Variants in SLCO2A1 observed in about 807,000 individuals in gnomAD.
SLCO2A1 encodes matrin F/G 1.
SLCO2A1 carries 60 observed loss-of-function variants against 71.7 expected under a neutral mutation model. The ratio of observed to expected loss-of-function variants is 0.84; its 90% CI spans 0.68 to 1.04. The LOEUF is 1.04. Ranked by LOEUF, SLCO2A1 falls within the 50% of genes least tolerant of loss-of-function variation. SLCO2A1 has a pLI of 0.00. For missense variants in SLCO2A1, 745 were observed against 813.4 expected (o/e 0.92, Z 1.02); for synonymous variants, 308 against 326.7 (o/e 0.94, Z 0.62).
Position 133,955,007 on chromosome 3 carries a change from A to G in SLCO2A1, c.584T>C (p.Val195Ala). 6.2e-7 allele frequency: 1 copy of G among 1,614,162 alleles called. No homozygotes were observed. Among genetic ancestry groups the G allele is most frequent in the East Asian group, 2.2e-5 (1 of 44,878 alleles). ...GTTGCTGGGCTCTGAGAAGTCATCC[A>G]CATAGGAGATCCCAAATGGCTGAAT... ...VPIQPFGISYVDDFSEPSNSP... is the reference protein window; with the variant it reads ...VPIQPFGISYADDFSEPSNSP... Residue 195 changes from valine (V) to alanine (A), a missense_variant, in exon 4 of 14, where the codon GTG becomes GCG. Val to Ala is a moderately conservative substitution (Grantham distance 64). Coordinates refer to ENST00000310926, the MANE Select transcript of SLCO2A1 (RefSeq NM_005630.3).
chr3:133,935,428 C>T (rs1192899434), intron 13 of SLCO2A1, among the ~76,000 whole-genome samples: 2 of 152,174 alleles, frequency 1.3e-5, no homozygotes, highest in Non-Finnish European at 2.9e-5. Flanking sequence ...GGAGGCTGCC[C>T]CCAATTTTTC....
At chr3:133,999,587 A>G (rs1397369270) in intron 1 of SLCO2A1, among the ~76,000 whole-genome samples, 2 of 152,180 alleles carry the variant, frequency 1.3e-5, no homozygotes, top group Non-Finnish European at 2.9e-5. Context: ...GATGCCAAGG[A>G]GAGGTACAAG....
At chr3:134,013,158 T>G (rs889933762) in intron 1 of SLCO2A1, among the ~76,000 whole-genome samples, 1 of 152,170 alleles carries the variant, frequency 6.6e-6, no homozygotes, top group Non-Finnish European at 1.5e-5. Flanking sequence ...AGACACTCAA[T>G]AGATGTTTAC....
chr3:133,960,668 A>T (rs565465449), intron 3 of SLCO2A1, among the ~76,000 whole-genome samples: 78 of 152,336 alleles, frequency 5.1e-4, no homozygotes, highest in African/African-American at 1.9e-3. Flanking sequence ...CCTTAATGCC[A>T]CTGAACTATA....
intron 1 of SLCO2A1, 75 bp from the exon 2 acceptor site, chr3:133,979,693 C>G (rs921009377): frequency 6.7e-7 from 1 of 1,501,762 alleles, no homozygotes; most frequent in African/African-American, 1.4e-5. Flanking sequence ...CTGTTAGGGG[C>G]CCCGGCAGGC....
intron 3 of SLCO2A1, among the ~76,000 whole-genome samples, chr3:133,956,013 C>G (rs1230797870): frequency 6.6e-6 from 1 of 152,168 alleles, no homozygotes; most frequent in East Asian, 1.9e-4. Context: ...TTCCATGCCT[C>G]TGTTTTTAAT....
chr3:134,024,956 C>T (rs1301310489), intron 1 of SLCO2A1, among the ~76,000 whole-genome samples: 2 of 152,112 alleles, frequency 1.3e-5, no homozygotes, highest in African/African-American at 4.8e-5. Flanking sequence ...CAGGCCCAAC[C>T]TCCGAGACCA....
Position 133,955,047 on chromosome 3 carries a change from T to A in SLCO2A1, c.544A>T (p.Ile182Phe). ...AATGGCTGAATAGGCACTGTCCCGA[T>A]GCCAGCCAGCAGCTGGGCAACCACC... ...LMVVAQLLAG[I>F]GTVPIQPFGI... The change falls in exon 4 of 14, where the codon ATC (isoleucine) becomes TTC (phenylalanine). Residue 182 changes from isoleucine (I) to phenylalanine (F), a missense_variant. Physicochemically the swap from Ile to Phe is conservative, Grantham distance 21. Coordinates refer to ENST00000310926, the MANE Select transcript of SLCO2A1 (RefSeq NM_005630.3). The A allele has an allele frequency of 6.2e-7, 1 of 1,614,160 alleles. No individual in the cohort carries two copies. Among genetic ancestry groups the A allele is most frequent in the Non-Finnish European group, 8.5e-7 (1 of 1,180,028 alleles).
chr3:133,980,986 G>A (rs1934575143), intron 1 of SLCO2A1, among the ~76,000 whole-genome samples: 1 of 152,244 alleles, frequency 6.6e-6, no homozygotes, highest in Admixed American at 6.5e-5. Context: ...CCATGCTAGA[G>A]AGGCTCCACT....
chr3:133,962,111 G>A (rs1269453579), intron 3 of SLCO2A1, among the ~76,000 whole-genome samples: 1 of 151,978 alleles, frequency 6.6e-6, no homozygotes, highest in Admixed American at 6.6e-5. Context: ...ACAGAGTCTC[G>A]CTCTGTCGCC....
At chr3:133,935,290 G>A (rs1389567443) in intron 13 of SLCO2A1, among the ~76,000 whole-genome samples, 1 of 152,198 alleles carries the variant, frequency 6.6e-6, no homozygotes, top group East Asian at 1.9e-4. Flanking sequence ...CAGCAGGTGA[G>A]GTGGCTGGAA....
intron 1 of SLCO2A1, among the ~76,000 whole-genome samples, chr3:134,013,121 T>C (rs982462000): frequency 6.6e-6 from 1 of 152,170 alleles, no homozygotes; most frequent in Non-Finnish European, 1.5e-5. Flanking sequence ...CTTCACCCAG[T>C]AGATATTCAA....
rs1166186421 is a variant in SLCO2A1, at chr3:133,933,150, A to G, written c.*1563T>C. ...CCAAGAAGGGTGGCACTTAAGGGTC[A>G]TGAATGGCCATGACCCATGCCCAGC... On this transcript the variant is annotated 3_prime_UTR_variant, in exon 14 of 14. Coordinates refer to ENST00000310926, the MANE Select transcript of SLCO2A1 (RefSeq NM_005630.3). The G allele has an allele frequency of 1.3e-5, 2 of 152,236 alleles. No individual in the cohort carries two copies. Among genetic ancestry groups the G allele is most frequent in the Admixed American group, 6.5e-5 (1 of 15,280 alleles). 9.4% of individuals were successfully genotyped at this position (152,236 alleles called of 1,614,324 possible).
At chr3:133,975,910 C>G (rs985826938) in intron 2 of SLCO2A1, among the ~76,000 whole-genome samples, 9 of 152,190 alleles carry the variant, frequency 5.9e-5, no homozygotes, top group Non-Finnish European at 1.2e-4. Flanking sequence ...TCTCTCTCTT[C>G]ATTGCACTCA....
At chr3:134,024,646 G>A (rs1366049443) in intron 1 of SLCO2A1, among the ~76,000 whole-genome samples, 3 of 152,178 alleles carry the variant, frequency 2.0e-5, no homozygotes, top group Non-Finnish European at 4.4e-5. Flanking sequence ...TGGCCCCCAG[G>A]TTTAAGGGCC....
intron 1 of SLCO2A1, among the ~76,000 whole-genome samples, chr3:134,021,659 GA>G (rs142959504): frequency 0.039 from 5,909 of 151,840 alleles, 277 homozygotes; most frequent in African/African-American, 0.097. Context: ...GAGAGAAAGA[GA>G]AAGGCAGTGA....
chr3:133,987,791 AG>A (rs1480743184), intron 1 of SLCO2A1, among the ~76,000 whole-genome samples: 5 of 152,220 alleles, frequency 3.3e-5, no homozygotes, highest in Non-Finnish European at 5.9e-5. Flanking sequence ...CAGGAGTTGG[AG>A]GAAAACCATT....
At position 133,955,567 on chromosome 3, in the gene SLCO2A1, G is replaced by C. The variant is rs1405692915; in HGVS notation, c.398-374C>G. Among the ~76,000 whole-genome samples, 7 of 152,272 alleles carry C rather than the reference G, an allele frequency of 4.6e-5. No homozygotes were observed. The East Asian group carries it at 1.4e-3, about 29-fold the overall frequency. ...GGAAAGGGGCACCCAGCTGGAAAAG[G>C]GGGAGGGGGTCCAGGGTCAAAGCCC... On this transcript the variant is annotated intron_variant, in intron 3 of 13. Coordinates refer to ENST00000310926, the MANE Select transcript of SLCO2A1 (RefSeq NM_005630.3).
chr3:133,946,711 A>G (rs1375149674), intron 9 of SLCO2A1, among the ~76,000 whole-genome samples: 2 of 152,230 alleles, frequency 1.3e-5, no homozygotes, highest in African/African-American at 2.4e-5. Flanking sequence ...TTCTTAAGAA[A>G]ACAGAACTCT....
Sources: allele counts gnomAD v4.1 joint callset (sites outside exome capture counted in the v4.1 genomes callset), GRCh38; gene constraint gnomAD v4.1.1; transcripts MANE v1.5; gene names NCBI Gene and HGNC (gene_info 2026-07-23, HGNC 2026-07-21).